Variants in DFFB observed in about 807,000 individuals in gnomAD.
DFFB encodes the protein DNA fragmentation factor subunit beta.
A neutral mutation model predicts 32.7 loss-of-function variants in DFFB; 29 were observed. The observed-to-expected ratio is 0.89, with a 90% CI of 0.66 to 1.21. The LOEUF (loss-of-function observed/expected upper bound fraction) is 1.21, where lower values mean the gene tolerates loss of function less well. Among genes scored for constraint, DFFB ranks in the 50% most tolerant of loss-of-function variants. The pLI is 0.00. For synonymous variants in DFFB, 170 were observed against 177.1 expected, an observed-to-expected ratio of 0.96 and a Z score of 0.32; for missense variants, 398 against 440.6, an observed-to-expected ratio of 0.90 and a Z score of 0.87.
intron 6 of DFFB, among the ~76,000 whole-genome samples, chr1:3,874,343 T>A (rs532036039): frequency 3.3e-4 from 20 of 60,378 alleles, no homozygotes; most frequent in Non-Finnish European, 5.7e-4. Context: ...GCCCACGCTG[T>A]GGTCTGCAGA....
Position 3,865,203 on chromosome 1 carries a change from C to G in DFFB, c.242-609C>G, listed in dbSNP as rs1372979560. Among the ~76,000 whole-genome samples, 1 of 152,174 alleles carries G rather than the reference C, an allele frequency of 6.6e-6. No individual in the cohort carries two copies. Among genetic ancestry groups the G allele is most frequent in the African/African-American group, 2.4e-5 (1 of 41,432 alleles). The stretch of plus-strand genomic sequence containing the variant: ...AGTCCTCACTCCCCAGCATGTCCTC[C>G]TGTCTTCTTCTGACCCACTGATGTG... On this transcript the variant is annotated intron_variant, in intron 2 of 6. Transcript: ENST00000378209. This position sits in a 1 kb window ranked among gnomAD's most constrained non-coding sequence, Gnocchi z 4.7.
chr1:3,875,947 TTG>T (rs1645213647), intron 6 of DFFB, among the ~76,000 whole-genome samples: 1 of 152,028 alleles, frequency 6.6e-6, no homozygotes, highest in Non-Finnish European at 1.5e-5. Context: ...CGGCTAATTT[TTG>T]TGTTTTTTTA....
intron 5 of DFFB, among the ~76,000 whole-genome samples, chr1:3,870,390 G>A (rs1645087914): frequency 1.3e-5 from 2 of 151,904 alleles, no homozygotes; most frequent in Admixed American, 1.3e-4. Context: ...CAGGTGGTGG[G>A]CATGGCCTGC....
intron 6 of DFFB, among the ~76,000 whole-genome samples, chr1:3,880,939 C>T (rs985746372): frequency 4.6e-5 from 7 of 152,194 alleles, no homozygotes; most frequent in Admixed American, 2.6e-4. Flanking sequence ...CCTTGTTGGT[C>T]GTGTACTTTG....
rs114686914 is a variant in DFFB, at chr1:3,863,800, A to G, written c.242-2012A>G. ...CGGGGATGTTAGAGAGATGGAAAAT[A>G]GATTAGTGGTTGTTTAGGGTTGGGG... is the stretch of plus-strand genomic sequence containing the variant. On this transcript the variant is annotated intron_variant, in intron 2 of 6. Coordinates refer to ENST00000378209, the MANE Select transcript of DFFB (RefSeq NM_004402.4). Among the ~76,000 whole-genome samples the G allele has an allele frequency of 3.9e-3, 591 of 152,100 alleles. 4 individuals carry two copies. Among genetic ancestry groups the G allele is most frequent in the Middle Eastern group, 0.014 (4 of 294 alleles).
chr1:3,883,883 A>G lies in DFFB; in HGVS notation c.*142A>G. The G allele has an allele frequency of 1.5e-6, 1 of 647,748 alleles. No individual in the cohort carries two copies. The highest frequency in any genetic ancestry group is 2.7e-6 in the Non-Finnish European group (1 of 372,346). The allele number at this position is 647,748 out of a possible 1,614,324, so 40.1% of individuals were successfully genotyped here. ...AAAACCTTAAAAAATGTTTCCTCCA[A>G]ATCTGATTTCATTACATTTCTGAAT... On this transcript the variant is annotated 3_prime_UTR_variant, in exon 7 of 7. Coordinates refer to ENST00000378209, the MANE Select transcript of DFFB (RefSeq NM_004402.4).
intron 5 of DFFB, among the ~76,000 whole-genome samples, chr1:3,872,067 T>C (rs1645124179): frequency 6.6e-6 from 1 of 152,124 alleles, no homozygotes; most frequent in African/African-American, 2.4e-5. Flanking sequence ...CAACATGAGC[T>C]CTGGGTGGGG....
chr1:3,872,233 T>A (rs1645129722), intron 5 of DFFB, among the ~76,000 whole-genome samples: 1 of 152,152 alleles, frequency 6.6e-6, no homozygotes, highest in Admixed American at 6.5e-5. Flanking sequence ...GCCAACAAGG[T>A]GAAACCCTGT....
intron 2 of DFFB, among the ~76,000 whole-genome samples, chr1:3,859,987 T>C (rs1644848134): frequency 6.6e-6 from 1 of 152,232 alleles, no homozygotes; most frequent in African/African-American, 2.4e-5. Flanking sequence ...TGTCTGTCTC[T>C]GTCTCTCTCT....
chr1:3,876,760 A>G (rs6668103), intron 6 of DFFB, among the ~76,000 whole-genome samples: 45,432 of 152,058 alleles, frequency 0.3, 7,164 homozygotes, highest in African/African-American at 0.41. Context: ...TGCTGCCTGC[A>G]CCTTCTCTTC....
In DFFB at chr1:3,884,044, C is replaced by T. The variant is rs560594690; in HGVS notation, c.*303C>T. 106 of 344,478 alleles carry T rather than the reference C, an allele frequency of 3.1e-4. No individual in the cohort carries two copies. The East Asian group carries it at 6.0e-3, about 19-fold the overall frequency. The allele number at this position is 344,478 out of a possible 1,614,324, so 21.3% of individuals were successfully genotyped here. A position where few individuals can be genotyped will look rare whatever the true frequency, so the allele number is the denominator to read the frequency against. ...GATTACAGGCATGTGCCACCACGCC[C>T]GGCTAATGTTTGTATTTTTAGTAGA... On this transcript the variant is annotated 3_prime_UTR_variant, in exon 7 of 7. Transcript: ENST00000378209.
At chr1:3,872,979 G>A in intron 6 of DFFB, 1 of 1,264,100 alleles carries the variant, frequency 7.9e-7, no homozygotes, top group Non-Finnish European at 1.0e-6. Context: ...GTTATGATAG[G>A]TAAGGGTGTT....
chr1:3,865,465 A>G lies in DFFB; in HGVS notation c.242-347A>G, dbSNP rs1396407064. Among the ~76,000 whole-genome samples, 1 of 152,088 alleles carries G rather than the reference A, an allele frequency of 6.6e-6. No homozygotes were observed. The highest frequency in any genetic ancestry group is 6.5e-5 in the Admixed American group (1 of 15,272). On this transcript the variant is annotated intron_variant, in intron 2 of 6. Transcript: ENST00000378209. The surrounding 1 kb of genome is among the most constrained non-coding windows in gnomAD (Gnocchi z 4.7). ...GCTCCAGGAGAGAGTAGGAAAAGTGATCGGAAGGATCTGAAAGCAAGGTCT... is the reference window on the plus strand; with the variant it reads ...GCTCCAGGAGAGAGTAGGAAAAGTGGTCGGAAGGATCTGAAAGCAAGGTCT...
At chr1:3,859,946 TCTCTC>T (rs1644847091) in intron 2 of DFFB, among the ~76,000 whole-genome samples, 1 of 152,086 alleles carries the variant, frequency 6.6e-6, no homozygotes, top group African/African-American at 2.4e-5. Flanking sequence ...AGTCTCTGTC[TCTCTC>T]CTCTGTCTCT....
intron 5 of DFFB, among the ~76,000 whole-genome samples, chr1:3,872,105 G>T (rs905230937): frequency 6.6e-6 from 1 of 152,198 alleles, no homozygotes; most frequent in Non-Finnish European, 1.5e-5. Context: ...GTCACTCGGT[G>T]ACTGAGACTG....
intron 2 of DFFB, chr1:3,860,360 G>A: frequency 2.8e-6 from 1 of 354,034 alleles, no homozygotes; most frequent in Admixed American, 2.6e-5. Context: ...CCAAGTATCT[G>A]GGACCACAGG....
intron 2 of DFFB, among the ~76,000 whole-genome samples, chr1:3,861,705 G>A (rs1372550542): frequency 6.6e-6 from 1 of 152,226 alleles, no homozygotes; most frequent in Admixed American, 6.5e-5. Flanking sequence ...TGGGATTACA[G>A]GCGTGAGCCA....
intron 5 of DFFB, among the ~76,000 whole-genome samples, chr1:3,870,898 T>G (rs1645099264): frequency 6.6e-6 from 1 of 152,178 alleles, no homozygotes; most frequent in African/African-American, 2.4e-5. Context: ...AAGTAGGCAC[T>G]GGGGCTCCCG....
chr1:3,870,216 ATC>A (rs1202661695), intron 5 of DFFB, among the ~76,000 whole-genome samples: 1 of 152,192 alleles, frequency 6.6e-6, no homozygotes, highest in African/African-American at 2.4e-5. Flanking sequence ...GTGGTGATGC[ATC>A]TGTGTCTCTG....
Sources: gnomAD v4.1 joint callset for allele counts (sites outside exome capture counted in the v4.1 genomes callset) on GRCh38, gnomAD v4.1.1 for gene constraint, Gnocchi (gnomAD v3.1) non-coding constraint, MANE v1.5 for transcripts, NCBI Gene and HGNC (gene_info 2026-07-23, HGNC 2026-07-21) for gene names.